Variants in PPP4R1 observed in about 807,000 individuals in gnomAD.
PPP4R1 encodes the protein protein phosphatase 4 regulatory subunit 1.
PPP4R1 carries 42 observed loss-of-function variants against 111.2 expected under a neutral mutation model. That is an observed-to-expected ratio of 0.38 (90% CI 0.29 to 0.49). PPP4R1 has a LOEUF of 0.49. Ranked by LOEUF, PPP4R1 falls within the 20% of genes least tolerant of loss-of-function variation. The pLI is 0.97. For synonymous variants in PPP4R1, 409 were observed against 405.5 expected (o/e 1.01, Z -0.10); for missense variants, 1,012 against 1,161.6 (o/e 0.87, Z 1.87).
intron 2 of PPP4R1, among the ~76,000 whole-genome samples, chr18:9,602,287 T>C (rs2067397156): frequency 6.8e-6 from 1 of 148,012 alleles, no homozygotes; most frequent in South Asian, 2.1e-4. Flanking sequence ...ATCCCAACAC[T>C]TTGGGAGGCC....
intron 9 of PPP4R1, among the ~76,000 whole-genome samples, chr18:9,581,860 C>G (rs1160944256): frequency 6.6e-6 from 1 of 151,950 alleles, no homozygotes; most frequent in Non-Finnish European, 1.5e-5. Flanking sequence ...TACAAGGGAA[C>G]CCCAATATGA....
intron 2 of PPP4R1, among the ~76,000 whole-genome samples, chr18:9,609,645 CT>C (rs1175568652): frequency 2.0e-5 from 3 of 152,236 alleles, no homozygotes; most frequent in African/African-American, 7.2e-5. Context: ...TTAGTTACAG[CT>C]GAGATAAAAG....
At position 9,550,118 on chromosome 18, in the gene PPP4R1, C is replaced by T. The variant is rs766125106; in HGVS notation, c.2481G>A (p.Glu827=). ...PPTFGVDLIN[E]LVENFGRCPK... ...GACATCTGCCAAAGTTCTCCACAAGCTCATTGATGAGGTCCACTCCGAACG... is the reference window on the plus strand; with the variant it reads ...GACATCTGCCAAAGTTCTCCACAAGTTCATTGATGAGGTCCACTCCGAACG... Residue 827 remains glutamate, a synonymous_variant, in exon 18 of 20, where the codon GAG becomes GAA. Transcript: ENST00000400556. 1 of 1,614,238 alleles carries T rather than the reference C, an allele frequency of 6.2e-7. No individual in the cohort carries two copies. Among genetic ancestry groups the T allele is most frequent in the Non-Finnish European group, 8.5e-7 (1 of 1,180,048 alleles).
chr18:9,549,574 A>AT (rs1356332602), intron 18 of PPP4R1, among the ~76,000 whole-genome samples: 1 of 152,158 alleles, frequency 6.6e-6, no homozygotes, highest in African/African-American at 2.4e-5. Context: ...CAGGTGTTTC[A>AT]TTTTCACACC....
intron 11 of PPP4R1, among the ~76,000 whole-genome samples, chr18:9,569,057 G>A (rs1598910564): frequency 6.6e-6 from 1 of 151,842 alleles, no homozygotes; most frequent in Non-Finnish European, 1.5e-5. Context: ...GTAGCTGGGT[G>A]CAGTGGCACA....
At position 9,584,532 on chromosome 18, in the gene PPP4R1, C is replaced by T. The variant is rs1465304847; in HGVS notation, c.742G>A (p.Ala248Thr). 1.9e-6 allele frequency: 3 copies of T among 1,613,136 alleles called. No homozygotes were observed. Among genetic ancestry groups the T allele is most frequent in the Admixed American group, 1.7e-5 (1 of 59,854 alleles). The change falls in exon 8 of 20, where the codon GCT becomes ACT. Residue 248 changes from alanine to threonine, a missense_variant. Around this residue, in one of 2 missense-constraint regions of PPP4R1, gnomAD observed 707 missense variants for 742.1 expected, o/e 0.95. Coordinates refer to ENST00000400556, the MANE Select transcript of PPP4R1 (RefSeq NM_001042388.3). Reference protein sequence around the residue: ...GDICSVVGQQATEEMLLPRFF... With the variant: ...GDICSVVGQQTTEEMLLPRFF... Reference sequence around the variant, plus strand: ...ATACTTACCAACATTTCTTCAGTAGCTTGCTGGCCAACTACACTGCAAATA... The same window carrying T: ...ATACTTACCAACATTTCTTCAGTAGTTTGCTGGCCAACTACACTGCAAATA...
chr18:9,565,396 AAGG>A (rs2066749308), intron 11 of PPP4R1, among the ~76,000 whole-genome samples: 1 of 152,216 alleles, frequency 6.6e-6, no homozygotes. Context: ...GTTCAAGTGA[AAGG>A]AAGAATAACA....
chr18:9,572,504 G>C (rs1454740668), intron 10 of PPP4R1, among the ~76,000 whole-genome samples: 1 of 152,124 alleles, frequency 6.6e-6, no homozygotes, highest in African/African-American at 2.4e-5. Context: ...TGCTTCCCAA[G>C]AAACATGAAA....
At chr18:9,588,061 A>G (rs893851129) in intron 6 of PPP4R1, 28 bp downstream of exon 6, 9 of 1,613,074 alleles carry the variant, frequency 5.6e-6, no homozygotes, top group East Asian at 4.5e-5. Context: ...CACATTTTGC[A>G]TAAGTGGAAA....
intron 2 of PPP4R1, among the ~76,000 whole-genome samples, chr18:9,607,147 T>A (rs1427587863): frequency 2.0e-5 from 3 of 152,098 alleles, no homozygotes; most frequent in Admixed American, 2.0e-4. Context: ...TTGCTTGAGC[T>A]CAGGAGCTCA....
intron 2 of PPP4R1, among the ~76,000 whole-genome samples, chr18:9,610,402 G>A (rs1422856474): frequency 6.6e-6 from 1 of 152,168 alleles, no homozygotes; most frequent in Non-Finnish European, 1.5e-5. Context: ...AGTATTTCAT[G>A]ATACAGTACT....
chr18:9,608,572 G>A (rs1345680627), intron 2 of PPP4R1, among the ~76,000 whole-genome samples: 1 of 152,210 alleles, frequency 6.6e-6, no homozygotes, highest in East Asian at 1.9e-4. Context: ...TGTGCTAAAA[G>A]CAGAGCAAGT....
rs1271138618 is a variant in PPP4R1 at position 9,614,329 on chromosome 18, CCCCCCCCGCCCGCCT to C, written c.8-74_8-60del. 274 of 1,106,624 alleles carry C rather than the reference CCCCCCCCGCCCGCCT, an allele frequency of 2.5e-4. No homozygotes were observed. Among genetic ancestry groups the C allele is most frequent in the Admixed American group, 1.8e-3 (34 of 19,036 alleles). The allele number at this position is 1,106,624 out of a possible 1,614,324, so 68.6% of individuals were successfully genotyped here. On this transcript the variant is annotated intron_variant, in intron 1 of 19. Coordinates refer to ENST00000400556, the MANE Select transcript of PPP4R1 (RefSeq NM_001042388.3). This position sits in a 1 kb window ranked among gnomAD's most constrained non-coding sequence, Gnocchi z 4.1. ...GCGCCCCGGGGCCCGGCGCGACGCC[CCCCCCCCGCCCGCCT>C]CCCCCCCGCCCCGGGGGCGCCTTCC...
At position 9,559,529 on chromosome 18, in the gene PPP4R1, C is replaced by G. The variant is rs754047924; in HGVS notation, c.1918G>C (p.Glu640Gln). Residue 640 changes from glutamate (E) to glutamine (Q), a missense_variant, in exon 14 of 20, where the codon GAA (glutamate) becomes CAA (glutamine). Transcript: ENST00000400556. ...DPSRAQTVDT[E>Q]IAKHCAYSLP... ...CTATATGCACAGTGCTTAGCAATTT[C>G]AGTGTCAACCGTCTGTGCACGAGAA... is the stretch of plus-strand genomic sequence containing the variant. The G allele has an allele frequency of 6.2e-7, 1 of 1,613,752 alleles. No homozygotes were observed. Among genetic ancestry groups the G allele is most frequent in the East Asian group, 2.2e-5 (1 of 44,884 alleles).
intron 6 of PPP4R1, 46 bp from the exon 7 acceptor site, chr18:9,584,874 C>A (rs1159191834): frequency 7.2e-7 from 1 of 1,390,694 alleles, no homozygotes; most frequent in Non-Finnish European, 9.9e-7. Flanking sequence ...TCAAGTAAGC[C>A]TCTTTCAGTT....
At chr18:9,575,479 T>C (rs1158796072) in intron 10 of PPP4R1, among the ~76,000 whole-genome samples, 1 of 152,154 alleles carries the variant, frequency 6.6e-6, no homozygotes, top group Non-Finnish European at 1.5e-5. Context: ...ACTCCTTCCT[T>C]AGCCAGGAAT....
Position 9,547,880 on chromosome 18 carries a change from C to T in PPP4R1, c.2762G>A (p.Arg921His), listed in dbSNP as rs767660565. Residue 921 changes from arginine (R) to histidine (H), a missense_variant, in exon 20 of 20, where the codon CGT (arginine) becomes CAT (histidine). Coordinates refer to ENST00000400556, the MANE Select transcript of PPP4R1 (RefSeq NM_001042388.3). ...TGCAAAATACTTGACATCGCTGTCACGGTCCATCTGAAGAGCCATGATGGT... is the reference window on the plus strand; with the variant it reads ...TGCAAAATACTTGACATCGCTGTCATGGTCCATCTGAAGAGCCATGATGGT... Reference protein sequence around the residue: ...EQTIMALQMDRDSDVKYFASI... With the variant: ...EQTIMALQMDHDSDVKYFASI... 16 of 1,613,808 alleles carry T rather than the reference C, an allele frequency of 9.9e-6. No homozygotes were observed. The highest frequency in any genetic ancestry group is 4.4e-5 in the South Asian group (4 of 91,072).
Position 9,583,199 on chromosome 18 carries a change from A to G in PPP4R1, c.836T>C (p.Val279Ala). The change falls in exon 9 of 20, where the codon GTT (valine) becomes GCT (alanine). Residue 279 changes from valine to alanine, a missense_variant. Transcript: ENST00000400556. ...RKACAECFMAVSCATCQEIRR... is the reference protein window; with the variant it reads ...RKACAECFMAASCATCQEIRR... The stretch of plus-strand genomic sequence containing the variant: ...GATTTCTTGACATGTTGCACATGAA[A>G]CCGCCATGAAGCATTCAGCACAAGC... 6.2e-7 allele frequency: 1 copy of G among 1,611,926 alleles called. No individual in the cohort carries two copies. Among genetic ancestry groups the G allele is most frequent in the African/African-American group, 1.3e-5 (1 of 75,010 alleles).
Position 9,614,082 on chromosome 18 carries a change from C to G in PPP4R1, c.52+144G>C, listed in dbSNP as rs894490030. On this transcript the variant is annotated intron_variant, in intron 2 of 19. Coordinates refer to ENST00000400556, the MANE Select transcript of PPP4R1 (RefSeq NM_001042388.3). The surrounding 1 kb of genome is among the most constrained non-coding windows in gnomAD (Gnocchi z 4.1). ...CCTCACGGACGCGAGATTTTCCCCC[C>G]CGATCGCCACCCCAGCCCGCCTGGG... 3.4e-5 allele frequency: 22 copies of G among 645,134 alleles called. No homozygotes were observed. The highest frequency in any genetic ancestry group is 1.0e-4 in the Admixed American group (2 of 19,474). 40.0% of individuals were successfully genotyped at this position (645,134 alleles called of 1,614,324 possible). A position where few individuals can be genotyped will look rare whatever the true frequency, so the allele number is the denominator to read the frequency against.
Sources: gnomAD v4.1 joint callset for allele counts (sites outside exome capture counted in the v4.1 genomes callset) on GRCh38, gnomAD v4.1.1 for gene constraint, gnomAD v4.1.1 regional missense constraint, Gnocchi (gnomAD v3.1) non-coding constraint, MANE v1.5 for transcripts, NCBI Gene and HGNC (gene_info 2026-07-23, HGNC 2026-07-21) for gene names.